DCLK1: variants seen among roughly 807,000 people sequenced by gnomAD.
DCLK1 encodes the protein serine/threonine-protein kinase DCLK1.
Under a neutral mutation model 86.2 loss-of-function variants are expected in DCLK1, and 16 were observed. The ratio of observed to expected loss-of-function variants is 0.19; its 90% confidence interval spans 0.13 to 0.28. DCLK1 has a LOEUF of 0.28. Among genes scored for constraint, DCLK1 ranks in the 10% least tolerant of loss-of-function variants. The probability of loss-of-function intolerance (pLI) is 1.00; values close to 1 mark genes in which losing one functional copy is unlikely to be tolerated. For synonymous variants in DCLK1, 369 were observed against 370.5 expected (o/e 1.00, Z 0.05); for missense variants, 590 against 940.2 (o/e 0.63, Z 4.87).
At chr13:35,881,033 C>T (rs1357638539) in intron 4 of DCLK1, among the ~76,000 whole-genome samples, 1 of 152,166 alleles carries the variant, frequency 6.6e-6, no homozygotes, top group African/African-American at 2.4e-5. Context: ...ACTGAATATA[C>T]AGATGAACAA....
chr13:35,792,885 C>A (rs1310415739), intron 16 of DCLK1, among the ~76,000 whole-genome samples: 1 of 152,182 alleles, frequency 6.6e-6, no homozygotes, highest in East Asian at 1.9e-4. Context: ...CACAGTAATT[C>A]AATTTCACTG....
intron 3 of DCLK1, among the ~76,000 whole-genome samples, chr13:36,076,359 T>C (rs1884214142): frequency 6.6e-6 from 1 of 152,192 alleles, no homozygotes; most frequent in Non-Finnish European, 1.5e-5. Context: ...ATCATCTTCA[T>C]TTTCCCAGTC....
At chr13:35,981,226 TG>T (rs1018925583) in intron 3 of DCLK1, among the ~76,000 whole-genome samples, 17 of 152,106 alleles carry the variant, frequency 1.1e-4, no homozygotes, top group Middle Eastern at 3.4e-3. Context: ...AAAAGTGTTT[TG>T]TTTTTTTTTT....
At chr13:36,129,434 A>C (rs1350464907) in intron 1 of DCLK1, among the ~76,000 whole-genome samples, 1 of 152,198 alleles carries the variant, frequency 6.6e-6, no homozygotes, top group African/African-American at 2.4e-5. Context: ...AATCTGTCCA[A>C]AAGTGGGCAA....
intron 16 of DCLK1, among the ~76,000 whole-genome samples, chr13:35,786,712 G>A (rs138826624): frequency 9.2e-5 from 14 of 152,176 alleles, no homozygotes; most frequent in Admixed American, 6.6e-4. Context: ...AGTCAAAAAA[G>A]AAGGGTCTGC....
chr13:36,069,584 C>T (rs1883890614), intron 3 of DCLK1, among the ~76,000 whole-genome samples: 2 of 152,276 alleles, frequency 1.3e-5, no homozygotes, highest in East Asian at 1.9e-4. Context: ...ATGTTTCCTT[C>T]CCATCCCCTC....
chr13:35,911,616 CCT>C (rs770145615), intron 4 of DCLK1, among the ~76,000 whole-genome samples: 48 of 152,142 alleles, frequency 3.2e-4, no homozygotes, highest in Non-Finnish European at 1.8e-4. Context: ...ACTAGTATTG[CCT>C]CTGCCACCCA....
At chr13:35,945,046 A>T (rs567721156) in intron 4 of DCLK1, among the ~76,000 whole-genome samples, 2 of 152,112 alleles carry the variant, frequency 1.3e-5, no homozygotes, top group African/African-American at 4.8e-5. Flanking sequence ...GATTACAGGC[A>T]TGCACCACCA....
At chr13:36,089,151 G>A (rs1418338796) in intron 3 of DCLK1, among the ~76,000 whole-genome samples, 7 of 152,084 alleles carry the variant, frequency 4.6e-5, no homozygotes, top group East Asian at 1.9e-4. Context: ...CTTCGGAAGC[G>A]GTTTTAATTT....
intron 3 of DCLK1, among the ~76,000 whole-genome samples, chr13:35,958,506 C>T (rs930528864): frequency 6.6e-6 from 1 of 151,338 alleles, no homozygotes; most frequent in African/African-American, 2.4e-5. Context: ...ACCATCACCA[C>T]TACTGTACCA....
At chr13:35,984,612 A>G (rs1052610330) in intron 3 of DCLK1, among the ~76,000 whole-genome samples, 4 of 152,260 alleles carry the variant, frequency 2.6e-5, no homozygotes, top group Non-Finnish European at 4.4e-5. Context: ...TGGCAAATTT[A>G]TGTGAGATAA....
intron 3 of DCLK1, among the ~76,000 whole-genome samples, chr13:35,984,773 C>T (rs1159610413): frequency 6.6e-6 from 1 of 152,102 alleles, no homozygotes; most frequent in Non-Finnish European, 1.5e-5. Context: ...TATCACCTCT[C>T]TTCACTACCC....
chr13:35,820,328 A>G (rs2087364341), intron 11 of DCLK1, among the ~76,000 whole-genome samples: 1 of 152,228 alleles, frequency 6.6e-6, no homozygotes, highest in Non-Finnish European at 1.5e-5. Flanking sequence ...ACCACATTAT[A>G]AATGACTGCA....
intron 4 of DCLK1, among the ~76,000 whole-genome samples, chr13:35,944,871 T>C (rs542299528): frequency 6.6e-6 from 1 of 152,036 alleles, no homozygotes; most frequent in Non-Finnish European, 1.5e-5. Flanking sequence ...TATCTCCGTA[T>C]ATAATCTGTG....
chr13:35,958,263 A>T (rs200001752), intron 3 of DCLK1, among the ~76,000 whole-genome samples: 559 of 8,888 alleles, frequency 0.063, 38 homozygotes, highest in East Asian at 0.21. Flanking sequence ...TACCACTACT[A>T]TAACCATTAC....
chr13:35,914,356 T>TATATATGTATATATATATATATAC (rs1875264342), intron 4 of DCLK1, among the ~76,000 whole-genome samples: 1 of 19,186 alleles, frequency 5.2e-5, no homozygotes, highest in African/African-American at 1.9e-4. Context: ...TATACATATA[T>TATATATGTATATATATATATATAC]ATATATATAT....
At chr13:35,942,842 AG>A (rs1219685987) in intron 4 of DCLK1, among the ~76,000 whole-genome samples, 1 of 152,208 alleles carries the variant, frequency 6.6e-6, no homozygotes, top group Non-Finnish European at 1.5e-5. Flanking sequence ...GGGTCAGATG[AG>A]GGGCAGCCAC....
chr13:35,951,270 C>CATGGATGG (rs113236728), intron 3 of DCLK1, among the ~76,000 whole-genome samples: 147 of 145,402 alleles, frequency 1.0e-3, no homozygotes, highest in African/African-American at 3.3e-3. Flanking sequence ...TGGATGGATG[C>CATGGATGG]ATGGATGGAT....
chr13:35,791,707 A>G (rs2086710696), intron 16 of DCLK1, among the ~76,000 whole-genome samples: 1 of 152,216 alleles, frequency 6.6e-6, no homozygotes, highest in South Asian at 2.1e-4. Flanking sequence ...TGAGCAACCA[A>G]GGCAAACTTA....
Sources: gnomAD v4.1 joint callset for allele counts (sites outside exome capture counted in the v4.1 genomes callset) on GRCh38, gnomAD v4.1.1 for gene constraint, MANE v1.5 for transcripts, NCBI Gene and HGNC (gene_info 2026-07-23, HGNC 2026-07-21) for gene names.